Variants in ATRX observed in about 807,000 individuals in gnomAD.
ATRX encodes the protein chromatin remodeler ATRX.
A neutral mutation model predicts 172.6 loss-of-function variants in ATRX; 12 were observed. The ratio of observed to expected loss-of-function variants is 0.07; its 90% CI spans 0.04 to 0.11. The LOEUF is 0.11. Ranked by LOEUF, ATRX falls within the 10% of genes least tolerant of loss-of-function variation. The pLI, the probability that ATRX is intolerant of heterozygous loss-of-function variation, is 1.00. For missense variants in ATRX, 1,368 were observed against 1,767.4 expected (o/e 0.77, Z 4.05); for synonymous variants, 674 against 594.7 (o/e 1.13, Z -1.94).
chrX:77,608,659 C>T (rs1015925155), intron 22 of ATRX, among the ~76,000 whole-genome samples: 5 of 111,783 alleles, frequency 4.5e-5, no homozygotes, highest in African/African-American at 1.6e-4. Flanking sequence ...TGGAGAAACT[C>T]TACAGGACAT....
intron 30 of ATRX, among the ~76,000 whole-genome samples, chrX:77,530,633 C>CAAACAAACAAACA (rs781935600): frequency 4.0e-4 from 42 of 106,287 alleles, no homozygotes; most frequent in African/African-American, 1.2e-3. Flanking sequence ...AACAAACAAA[C>CAAACAAACAAACA]AAACAAAACA....
At chrX:77,607,101 T>C (rs782159110) in intron 22 of ATRX, among the ~76,000 whole-genome samples, 1 of 112,006 alleles carries the variant, frequency 8.9e-6, no homozygotes, top group South Asian at 3.7e-4. Context: ...CTTTCATTAC[T>C]GTTATTCAAC....
chrX:77,750,373 G>T (rs192372358), intron 1 of ATRX, among the ~76,000 whole-genome samples: 1 of 110,959 alleles, frequency 9.0e-6, no homozygotes, highest in Non-Finnish European at 1.9e-5. Context: ...TCATGCCCGG[G>T]GCAAAAGATA....
intron 6 of ATRX, 64 bp downstream of exon 6, chrX:77,693,760 C>G (rs2072034551): frequency 1.1e-6 from 1 of 912,436 alleles, no homozygotes; most frequent in Non-Finnish European, 1.6e-6. Context: ...GTAAGCACAT[C>G]CGATTTTCCA....
chrX:77,663,675 C>G (rs1557124317), intron 11 of ATRX, 117 bp from the exon 12 acceptor site: 2 of 580,182 alleles, frequency 3.4e-6, no homozygotes, highest in Non-Finnish European at 5.5e-6. Flanking sequence ...TAGACACATA[C>G]TTTGGTATCA....
At chrX:77,603,769 G>C (rs782473187) in intron 22 of ATRX, among the ~76,000 whole-genome samples, 2 of 111,183 alleles carry the variant, frequency 1.8e-5, no homozygotes, top group Non-Finnish European at 3.8e-5. Flanking sequence ...GCATGGTACT[G>C]GTATAAAAAT....
intron 1 of ATRX, among the ~76,000 whole-genome samples, chrX:77,726,613 A>G (rs192868090): frequency 2.3e-4 from 26 of 111,583 alleles, no homozygotes; most frequent in African/African-American, 8.1e-4. Flanking sequence ...CCTAGAACTT[A>G]AAGTGTAATA....
chrX:77,654,022 C>G, intron 14 of ATRX, 76 bp downstream of exon 14: 1 of 847,369 alleles, frequency 1.2e-6, no homozygotes, highest in Non-Finnish European at 1.8e-6. Context: ...ATGAATGGAA[C>G]AGAGAGGTAA....
rs782746673 is a variant in ATRX at position 77,696,569 on chromosome X, C to T, written c.370+8G>A. The T allele has an allele frequency of 5.8e-6, 7 of 1,202,036 alleles. No homozygotes were observed. The highest frequency in any genetic ancestry group is 6.7e-6 in the Non-Finnish European group (6 of 889,310). On this transcript the variant is annotated splice_region_variant and intron_variant, in intron 5 of 34. Coordinates refer to ENST00000373344, the MANE Select transcript of ATRX (RefSeq NM_000489.6). ...ACTTTAACTTCATGAAAAATTAACA[C>T]ACATTACCTTTTGGCAAGCTCTGCA...
intron 27 of ATRX, among the ~76,000 whole-genome samples, chrX:77,585,748 T>C (rs1303782619): frequency 9.1e-6 from 1 of 109,581 alleles, no homozygotes; most frequent in African/African-American, 3.3e-5. Flanking sequence ...AACCTAAGTG[T>C]CCATCAACAG....
intron 1 of ATRX, among the ~76,000 whole-genome samples, chrX:77,772,524 T>C (rs1344855849): frequency 4.8e-5 from 5 of 104,515 alleles, no homozygotes; most frequent in African/African-American, 1.4e-4. Flanking sequence ...GTCTCCAGGC[T>C]GGCGGGCAGT....
intron 26 of ATRX, among the ~76,000 whole-genome samples, chrX:77,593,229 G>GAAAAAA (rs781904850): frequency 1.8e-5 from 1 of 55,134 alleles, no homozygotes. Context: ...GTCTCATAAT[G>GAAAAAA]AAAAAAAAAA....
intron 27 of ATRX, among the ~76,000 whole-genome samples, chrX:77,584,436 A>G (rs2065936490): frequency 1.8e-5 from 2 of 111,870 alleles, no homozygotes; most frequent in South Asian, 7.4e-4. Context: ...TATAGTAACC[A>G]AAACACTATG....
At chrX:77,581,091 G>T (rs782707072) in intron 27 of ATRX, among the ~76,000 whole-genome samples, 1 of 111,084 alleles carries the variant, frequency 9.0e-6, no homozygotes, top group Non-Finnish European at 1.9e-5. Context: ...CAAAAAGGAA[G>T]AAACTAAACC....
At chrX:77,763,533 C>T (rs782160680) in intron 1 of ATRX, among the ~76,000 whole-genome samples, 6 of 107,072 alleles carry the variant, frequency 5.6e-5, no homozygotes, top group African/African-American at 1.4e-4. Flanking sequence ...TGCAGTGGCA[C>T]GATCTCGGCT....
intron 7 of ATRX, among the ~76,000 whole-genome samples, chrX:77,686,062 G>T (rs1219263565): frequency 8.9e-6 from 1 of 111,956 alleles, no homozygotes; most frequent in Non-Finnish European, 1.9e-5. Flanking sequence ...GGGAAAGGTA[G>T]TGAGGGGATA....
At chrX:77,718,185 T>C (rs2073545721) in intron 1 of ATRX, among the ~76,000 whole-genome samples, 2 of 109,657 alleles carry the variant, frequency 1.8e-5, no homozygotes, top group South Asian at 7.7e-4. Context: ...ATCGAATATA[T>C]TTACTGAACA....
At chrX:77,603,617 C>G (rs1204746901) in intron 22 of ATRX, among the ~76,000 whole-genome samples, 1 of 108,366 alleles carries the variant, frequency 9.2e-6, no homozygotes, top group Non-Finnish European at 1.9e-5. Flanking sequence ...CTCAAGTGAT[C>G]CGCCTGCCTC....
chrX:77,757,674 T>G, intron 1 of ATRX, among the ~76,000 whole-genome samples: 1 of 100,057 alleles, frequency 1.0e-5, no homozygotes, highest in African/African-American at 3.6e-5. Context: ...AAGTATTATC[T>G]TTTTTTTTTT....
Sources: gnomAD v4.1 joint callset for allele counts (sites outside exome capture counted in the v4.1 genomes callset) on GRCh38, gnomAD v4.1.1 for gene constraint, MANE v1.5 for transcripts, NCBI Gene and HGNC (gene_info 2026-07-23, HGNC 2026-07-21) for gene names.